ROBO2: variants seen among roughly 807,000 people sequenced by gnomAD.
The protein encoded by ROBO2 is roundabout guidance receptor 2, also known as roundabout homolog 2.
In ROBO2, 53 loss-of-function variants were observed where a neutral mutation model predicts 160.8. The ratio of observed to expected loss-of-function variants is 0.33; its 90% CI spans 0.26 to 0.41. The LOEUF is 0.41. Ranked by LOEUF, ROBO2 falls within the 10% of genes least tolerant of loss-of-function variation. The pLI, the probability that ROBO2 is intolerant of heterozygous loss-of-function variation, is 1.00. For synonymous variants in ROBO2, 664 were observed against 611.7 expected, an observed-to-expected ratio of 1.09 and a Z score of -1.26; for missense variants, 1,577 against 1,722.4, an observed-to-expected ratio of 0.92 and a Z score of 1.49.
intron 2 of ROBO2, among the ~76,000 whole-genome samples, chr3:75,945,499 C>G (rs9850070): frequency 0.44 from 66,245 of 151,824 alleles, 15,755 homozygotes; most frequent in South Asian, 0.66. Context: ...GTGGAAAGTT[C>G]GTAGGGACCT....
chr3:77,310,860 A>AT (rs1023740938), intron 2 of ROBO2, among the ~76,000 whole-genome samples: 2 of 151,976 alleles, frequency 1.3e-5, no homozygotes, highest in African/African-American at 4.8e-5. Context: ...AGTGAAAAAA[A>AT]AAAAATAAAA....
intron 6 of ROBO2, among the ~76,000 whole-genome samples, chr3:77,525,756 G>T (rs917343705): frequency 1.4e-5 from 2 of 147,876 alleles, no homozygotes; most frequent in African/African-American, 4.9e-5. Flanking sequence ...CATTTTATTT[G>T]TTTAAAACAT....
chr3:77,538,888 T>A (rs1559568725), intron 6 of ROBO2: 4 of 491,188 alleles, frequency 8.1e-6, no homozygotes, highest in Non-Finnish European at 1.6e-5. Flanking sequence ...GCAAGCCTAT[T>A]AACTAATTTT....
intron 2 of ROBO2, among the ~76,000 whole-genome samples, chr3:77,033,878 T>C (rs1407851530): frequency 1.3e-5 from 2 of 152,046 alleles, no homozygotes; most frequent in Non-Finnish European, 2.9e-5. Context: ...CTGATAAATA[T>C]AAGAAACCAG....
chr3:75,956,401 C>T (rs1178328472), intron 2 of ROBO2, among the ~76,000 whole-genome samples: 1 of 151,612 alleles, frequency 6.6e-6, no homozygotes, highest in Non-Finnish European at 1.5e-5. Flanking sequence ...TTATGCATTA[C>T]AAATAAAAAG....
exon 26 of ROBO2, chr3:77,648,008 T>A (rs972912576): frequency 1.3e-5 from 2 of 152,232 alleles, no homozygotes; most frequent in Non-Finnish European, 2.9e-5. Flanking sequence ...TGTAATTTAT[T>A]TCTTCGCTGA....
chr3:76,154,039 G>A (rs2072311544), intron 2 of ROBO2, among the ~76,000 whole-genome samples: 1 of 152,058 alleles, frequency 6.6e-6, no homozygotes, highest in Admixed American at 6.6e-5. Context: ...TAGGTGAACT[G>A]GACACATAAA....
Position 77,519,796 on chromosome 3 carries a change from G to T in ROBO2, c.807-2979G>T, listed in dbSNP as rs139394789. Among the ~76,000 whole-genome samples, 273 of 151,272 alleles carry T rather than the reference G, an allele frequency of 1.8e-3. 2 individuals are homozygous for T. Among genetic ancestry groups the T allele is most frequent in the African/African-American group, 6.0e-3 (248 of 41,424 alleles). On this transcript the variant is annotated intron_variant, in intron 5 of 25. Coordinates refer to ENST00000461745, the Ensembl canonical transcript of ROBO2. ...TTTATTTTCTTTTGGGTATATACAC[G>T]GTAATTGGATTGCTGGGTCAAATGG... is the stretch of plus-strand genomic sequence containing the variant.
At position 77,124,939 on chromosome 3, in the gene ROBO2, T is replaced by G. The variant is rs147785269; in HGVS notation, c.388+26599T>G. On this transcript the variant is annotated intron_variant, in intron 2 of 25. Coordinates refer to ENST00000461745, the Ensembl canonical transcript of ROBO2. ...CTTTTTCCTCTTCCTTTCCTCTTTC[T>G]GTATCTCTTCCTACCATATAATATC... Among the ~76,000 whole-genome samples the G allele has an allele frequency of 6.0e-3, 907 of 152,068 alleles. 3 individuals carry two copies. Among genetic ancestry groups the G allele is most frequent in the Non-Finnish European group, 9.2e-3 (627 of 67,962 alleles).
At chr3:76,948,698 A>G (rs1419711614) in intron 2 of ROBO2, among the ~76,000 whole-genome samples, 8 of 136,652 alleles carry the variant, frequency 5.9e-5, no homozygotes, top group African/African-American at 1.6e-4. Context: ...CACTGAGGCT[A>G]TAATTATAAT....
At chr3:77,393,888 A>G (rs535966951) in intron 2 of ROBO2, among the ~76,000 whole-genome samples, 23 of 152,220 alleles carry the variant, frequency 1.5e-4, no homozygotes, top group African/African-American at 5.3e-4. Flanking sequence ...AATTTATTAA[A>G]ATATAAACTA....
rs775805348 is a variant in ROBO2, at chr3:77,522,734, A to G, written c.807-41A>G. On this transcript the variant is annotated intron_variant, in intron 5 of 25. Coordinates refer to ENST00000461745, the Ensembl canonical transcript of ROBO2. ...GAATACTTAATGTTATTATCCGTAT[A>G]GCTACTACTATTTAATAAAACCAGT... 6 of 1,587,126 alleles carry G rather than the reference A, an allele frequency of 3.8e-6. No individual in the cohort carries two copies. In the African/African-American group the frequency reaches 6.8e-5, roughly 18 times the overall value.
At chr3:76,773,209 T>C (rs2062024569) in intron 2 of ROBO2, among the ~76,000 whole-genome samples, 1 of 150,978 alleles carries the variant, frequency 6.6e-6, no homozygotes, top group African/African-American at 2.4e-5. Flanking sequence ...CATGAAGGTT[T>C]CTTTTGTTGT....
At chr3:76,350,118 GTACACC>G (rs1278792626) in intron 2 of ROBO2, among the ~76,000 whole-genome samples, 1 of 151,996 alleles carries the variant, frequency 6.6e-6, no homozygotes, top group East Asian at 1.9e-4. Context: ...ATAAAGCTTT[GTACACC>G]CCATTATCAA....
At chr3:77,270,530 G>T (rs2059418066) in intron 2 of ROBO2, among the ~76,000 whole-genome samples, 1 of 151,046 alleles carries the variant, frequency 6.6e-6, no homozygotes, top group African/African-American at 2.4e-5. Flanking sequence ...ATTGCTGTTG[G>T]TTTTTTTAAC....
chr3:76,179,930 TG>T (rs1701422739), intron 2 of ROBO2, among the ~76,000 whole-genome samples: 2 of 152,174 alleles, frequency 1.3e-5, no homozygotes, highest in Admixed American at 1.3e-4. Context: ...AGTCTGCATT[TG>T]TTTACAACTA....
chr3:77,521,611 T>C (rs1273662934), intron 5 of ROBO2, among the ~76,000 whole-genome samples: 1 of 151,244 alleles, frequency 6.6e-6, no homozygotes, highest in Non-Finnish European at 1.5e-5. Context: ...GTAACCATGA[T>C]AATTAAAGGA....
chr3:76,983,216 T>C (rs949725868), intron 2 of ROBO2, among the ~76,000 whole-genome samples: 1 of 151,860 alleles, frequency 6.6e-6, no homozygotes, highest in Admixed American at 6.6e-5. Context: ...GCCCGGAAGG[T>C]GGGGAGGTTG....
intron 2 of ROBO2, among the ~76,000 whole-genome samples, chr3:77,320,407 G>A (rs1425601974): frequency 1.3e-5 from 2 of 152,108 alleles, no homozygotes; most frequent in African/African-American, 2.4e-5. Flanking sequence ...AGATGGTAAA[G>A]GAATAAGATT....
Sources: allele counts gnomAD v4.1 joint callset (sites outside exome capture counted in the v4.1 genomes callset), GRCh38; gene constraint gnomAD v4.1.1; transcripts MANE v1.5; gene names NCBI Gene and HGNC (gene_info 2026-07-23, HGNC 2026-07-21).